The following ASAP1 variants were observed in gnomAD, a reference collection of about 807,000 sequenced individuals.
ASAP1 encodes ArfGAP with SH3 domain, ankyrin repeat and PH domain 1.
A neutral mutation model predicts 145.2 loss-of-function variants in ASAP1; 43 were observed. That is an observed-to-expected ratio of 0.30 (90% CI 0.23 to 0.38). The LOEUF is 0.38. ASAP1 is among the 10% of genes least tolerant of loss of function. The probability of loss-of-function intolerance (pLI) is 1.00; values close to 1 mark genes in which losing one functional copy is unlikely to be tolerated. For synonymous variants in ASAP1, 546 were observed against 515.5 expected (o/e 1.06, Z -0.80); for missense variants, 1,018 against 1,355.3 (o/e 0.75, Z 3.91).
At chr8:130,099,125 T>C (rs1457260745) in intron 24 of ASAP1, among the ~76,000 whole-genome samples, 2 of 149,478 alleles carry the variant, frequency 1.3e-5, no homozygotes, top group East Asian at 2.1e-4. Context: ...GTGATCCTCC[T>C]ACCTCAGTCT....
At chr8:130,232,754 G>A (rs1047937636) in intron 4 of ASAP1, among the ~76,000 whole-genome samples, 3 of 152,146 alleles carry the variant, frequency 2.0e-5, no homozygotes, top group Admixed American at 6.5e-5. Flanking sequence ...ATCACTTTGG[G>A]AAGCTGAGTG....
intron 10 of ASAP1, among the ~76,000 whole-genome samples, chr8:130,168,486 AG>A (rs1485956843): frequency 6.6e-6 from 1 of 152,346 alleles, no homozygotes; most frequent in Middle Eastern, 3.4e-3. Context: ...CTGTACCAAA[AG>A]GCTGAGGCAC....
intron 3 of ASAP1, among the ~76,000 whole-genome samples, chr8:130,323,139 T>C (rs1159785048): frequency 6.6e-6 from 1 of 152,202 alleles, no homozygotes; most frequent in African/African-American, 2.4e-5. Context: ...AAGCAACTGC[T>C]CCTGTTGATG....
At chr8:130,118,462 T>A in intron 19 of ASAP1, 27 bp downstream of exon 19, 1 of 1,580,132 alleles carries the variant, frequency 6.3e-7, no homozygotes, top group Non-Finnish European at 8.6e-7. Flanking sequence ...CATTACTTTT[T>A]ATCCAATGAT....
chr8:130,282,809 A>G (rs555835270), intron 3 of ASAP1, among the ~76,000 whole-genome samples: 1 of 152,364 alleles, frequency 6.6e-6, no homozygotes, highest in East Asian at 1.9e-4. Flanking sequence ...AAAGGATCAT[A>G]AACTGAAATA....
At chr8:130,404,006 ACT>A (rs1828918398) in intron 1 of ASAP1, among the ~76,000 whole-genome samples, 1 of 152,020 alleles carries the variant, frequency 6.6e-6, no homozygotes, top group African/African-American at 2.4e-5. Flanking sequence ...TCTCAGAGAA[ACT>A]CTGCATCTTC....
intron 24 of ASAP1, among the ~76,000 whole-genome samples, chr8:130,106,661 T>C (rs1025425369): frequency 1.3e-5 from 2 of 152,262 alleles, no homozygotes; most frequent in Non-Finnish European, 2.9e-5. Flanking sequence ...CTGTTGTTTA[T>C]GCATCTGACG....
chr8:130,400,867 G>A (rs114066037), intron 2 of ASAP1, among the ~76,000 whole-genome samples: 2,822 of 151,326 alleles, frequency 0.019, 94 homozygotes, highest in African/African-American at 0.059. Flanking sequence ...TTCTTTACCC[G>A]TAAAATGAAT....
At chr8:130,375,089 C>T (rs1331703924) in intron 2 of ASAP1, among the ~76,000 whole-genome samples, 2 of 152,154 alleles carry the variant, frequency 1.3e-5, no homozygotes, top group South Asian at 2.1e-4. Flanking sequence ...TCCATATTGC[C>T]ACTCTCAGCC....
intron 1 of ASAP1, among the ~76,000 whole-genome samples, chr8:130,424,936 TGAGCC>T (rs1440475659): frequency 1.4e-5 from 2 of 148,056 alleles, no homozygotes; most frequent in Admixed American, 1.3e-4. Flanking sequence ...GAGGTTGCAG[TGAGCC>T]GAGATCTCAC....
intron 3 of ASAP1, among the ~76,000 whole-genome samples, chr8:130,334,813 ACAG>A (rs1354348491): frequency 2.6e-5 from 4 of 152,210 alleles, no homozygotes; most frequent in Non-Finnish European, 4.4e-5. Flanking sequence ...TCAAATACCA[ACAG>A]CTCTCCATTT....
chr8:130,400,520 G>A (rs2138561953), intron 2 of ASAP1, among the ~76,000 whole-genome samples: 1 of 151,822 alleles, frequency 6.6e-6, no homozygotes, highest in East Asian at 1.9e-4. Context: ...TGGGCACGGT[G>A]GCTCACGCCT....
At chr8:130,063,772 G>T (rs572938006) in intron 27 of ASAP1, among the ~76,000 whole-genome samples, 2 of 152,268 alleles carry the variant, frequency 1.3e-5, no homozygotes, top group South Asian at 2.1e-4. Flanking sequence ...CAGGAAAAGG[G>T]TTACCATTCC....
intron 3 of ASAP1, among the ~76,000 whole-genome samples, chr8:130,240,862 G>A (rs1818482983): frequency 6.6e-6 from 1 of 152,034 alleles, no homozygotes; most frequent in South Asian, 2.1e-4. Context: ...TTGAATCTAG[G>A]CCCAGAGAAG....
chr8:130,159,804 G>A, intron 12 of ASAP1, 60 bp downstream of exon 12: 2 of 1,343,886 alleles, frequency 1.5e-6, no homozygotes, highest in Non-Finnish European at 2.1e-6. Context: ...CTATATGAGA[G>A]ACTGGAAACA....
intron 3 of ASAP1, among the ~76,000 whole-genome samples, chr8:130,322,986 T>C (rs1266236952): frequency 1.3e-5 from 2 of 152,190 alleles, no homozygotes. Context: ...CACTAGGCAT[T>C]TGTGGAATCA....
intron 5 of ASAP1, among the ~76,000 whole-genome samples, chr8:130,198,969 G>A (rs1256404606): frequency 6.6e-6 from 1 of 151,940 alleles, no homozygotes; most frequent in African/African-American, 2.4e-5. Flanking sequence ...ACTCCTTTTG[G>A]CTTCTCAACC....
intron 3 of ASAP1, among the ~76,000 whole-genome samples, chr8:130,287,365 C>A (rs1208283983): frequency 1.3e-5 from 2 of 152,118 alleles, no homozygotes; most frequent in Non-Finnish European, 2.9e-5. Context: ...AGGGACAATG[C>A]AGTATAGATG....
intron 5 of ASAP1, among the ~76,000 whole-genome samples, chr8:130,213,894 C>T (rs547411329): frequency 1.3e-5 from 2 of 152,282 alleles, no homozygotes; most frequent in African/African-American, 2.4e-5. Flanking sequence ...TGCCCACACA[C>T]GACTGCCTGG....
Sources: allele counts gnomAD v4.1 joint callset (sites outside exome capture counted in the v4.1 genomes callset), GRCh38; gene constraint gnomAD v4.1.1; transcripts MANE v1.5; gene names NCBI Gene and HGNC (gene_info 2026-07-23, HGNC 2026-07-21).